MOB3B: variants seen among roughly 807,000 people sequenced by gnomAD.
MOB3B encodes the protein MOB kinase activator-like 2B.
Under a neutral mutation model 18.7 loss-of-function variants are expected in MOB3B, and 7 were observed. The ratio of observed to expected loss-of-function variants is 0.37; its 90% CI spans 0.21 to 0.70. MOB3B has a LOEUF of 0.70. Ranked by LOEUF, MOB3B falls within the 30% of genes least tolerant of loss-of-function variation. The pLI is 0.52. For synonymous variants in MOB3B, 111 were observed against 99.9 expected (o/e 1.11, Z -0.66); for missense variants, 253 against 281.3 (o/e 0.90, Z 0.72).
At chr9:27,522,240 C>CT (rs1820344679) in intron 1 of MOB3B, among the ~76,000 whole-genome samples, 1 of 13,374 alleles carries the variant, frequency 7.5e-5, no homozygotes, top group African/African-American at 3.1e-4. Context: ...GACCCCGTCT[C>CT]ACAAAAAAAA....
intron 2 of MOB3B, among the ~76,000 whole-genome samples, chr9:27,441,579 G>C (rs1822595355): frequency 6.6e-6 from 1 of 152,148 alleles, no homozygotes; most frequent in Admixed American, 6.5e-5. Context: ...TCTTGTCCCA[G>C]GTAGGACAGA....
intron 2 of MOB3B, among the ~76,000 whole-genome samples, chr9:27,369,137 G>A (rs1437165650): frequency 6.6e-6 from 1 of 152,202 alleles, no homozygotes; most frequent in Non-Finnish European, 1.5e-5. Context: ...ATTGGTTCTG[G>A]AAAGTCAGGC....
intron 1 of MOB3B, among the ~76,000 whole-genome samples, chr9:27,498,493 A>C (rs150720533): frequency 6.6e-6 from 1 of 152,324 alleles, no homozygotes; most frequent in East Asian, 1.9e-4. Context: ...GACAAACTTA[A>C]AAGAAAGTAG....
chr9:27,463,027 C>T (rs1819318071), intron 1 of MOB3B, among the ~76,000 whole-genome samples: 1 of 152,138 alleles, frequency 6.6e-6, no homozygotes, highest in African/African-American at 2.4e-5. Context: ...AGGGTTGCTG[C>T]AAGAATTCAA....
chr9:27,456,512 C>T (rs1363821320), intron 1 of MOB3B, among the ~76,000 whole-genome samples: 1 of 152,194 alleles, frequency 6.6e-6, no homozygotes, highest in Non-Finnish European at 1.5e-5. Context: ...GTTCCAATTC[C>T]TTTTGAAGCC....
At chr9:27,381,758 T>C (rs1821580635) in intron 2 of MOB3B, among the ~76,000 whole-genome samples, 1 of 152,172 alleles carries the variant, frequency 6.6e-6, no homozygotes, top group African/African-American at 2.4e-5. Context: ...GCAATCCTCC[T>C]GCCTCAGCCT....
chr9:27,337,578 C>T (rs903290593), intron 3 of MOB3B, among the ~76,000 whole-genome samples: 1 of 152,206 alleles, frequency 6.6e-6, no homozygotes, highest in Non-Finnish European at 1.5e-5. Context: ...CCACTTATAG[C>T]AAAAGCAAGT....
chr9:27,527,222 T>C (rs1820449673), intron 1 of MOB3B, among the ~76,000 whole-genome samples: 1 of 152,240 alleles, frequency 6.6e-6, no homozygotes, highest in Admixed American at 6.5e-5. Context: ...TTGTTAATGA[T>C]GCCTTTGGGT....
In MOB3B at chr9:27,332,789, G is replaced by A. The variant is rs12555075; in HGVS notation, c.622-2173C>T. Reference sequence around the variant, plus strand: ...GAGGAAAAACCCTCAGGGAAGGAGAGTACCTTACCAGGTCACATAGAAAGC... The same window carrying A: ...GAGGAAAAACCCTCAGGGAAGGAGAATACCTTACCAGGTCACATAGAAAGC... On this transcript the variant is annotated intron_variant, in intron 3 of 3. Transcript: ENST00000262244. Among the ~76,000 whole-genome samples the A allele has an allele frequency of 3.1e-3, 465 of 152,298 alleles. 1 individual carries two copies. The highest frequency in any genetic ancestry group is 4.9e-3 in the Non-Finnish European group (332 of 68,026).
At chr9:27,345,836 G>A (rs77204726) in intron 3 of MOB3B, among the ~76,000 whole-genome samples, 2,269 of 152,328 alleles carry the variant, frequency 0.015, 15 homozygotes, top group Middle Eastern at 0.031. Context: ...CTGAGACAGG[G>A]AGAGAACTGG....
chr9:27,405,850 A>G (rs1368154452), intron 2 of MOB3B, among the ~76,000 whole-genome samples: 2 of 152,366 alleles, frequency 1.3e-5, no homozygotes, highest in East Asian at 1.9e-4. Context: ...AACTGATGCC[A>G]GAAAAGCGTT....
intron 3 of MOB3B, among the ~76,000 whole-genome samples, chr9:27,346,253 C>T (rs1173460453): frequency 6.6e-6 from 1 of 152,166 alleles, no homozygotes; most frequent in African/African-American, 2.4e-5. Context: ...TCCCAGCCTC[C>T]AGAACTGTGA....
At chr9:27,366,687 C>T (rs1300591410) in intron 2 of MOB3B, among the ~76,000 whole-genome samples, 1 of 152,156 alleles carries the variant, frequency 6.6e-6, no homozygotes, top group Non-Finnish European at 1.5e-5. Context: ...AGGCCAACAC[C>T]TGGGAATGAG....
intron 2 of MOB3B, among the ~76,000 whole-genome samples, chr9:27,384,429 C>CAGTA (rs2131376909): frequency 6.6e-6 from 1 of 152,134 alleles, no homozygotes; most frequent in African/African-American, 2.4e-5. Flanking sequence ...TTTCAGAGCT[C>CAGTA]AGTAATTCAA....
chr9:27,454,790 T>C (rs1011347475), intron 2 of MOB3B, among the ~76,000 whole-genome samples: 7 of 152,230 alleles, frequency 4.6e-5, no homozygotes, highest in Non-Finnish European at 8.8e-5. Context: ...TCAGAGTCCA[T>C]GTAACTTTAG....
Position 27,455,342 on chromosome 9 carries a change from C to G in MOB3B, c.209G>C (p.Arg70Pro). Residue 70 changes from arginine to proline, a missense_variant, in exon 2 of 4, where the codon CGG becomes CCG. Coordinates refer to ENST00000262244, the MANE Select transcript of MOB3B (RefSeq NM_024761.5). The stretch of plus-strand genomic sequence containing the variant: ...GATGGTGCCATAGATGAGGTTGATC[C>G]GATTGAAGAAGTCCACCACATGTAC... ...VAVHVVDFFN[R>P]INLIYGTICE... 3 of 1,614,086 alleles carry G rather than the reference C, an allele frequency of 1.9e-6. No individual in the cohort carries two copies. Among genetic ancestry groups the G allele is most frequent in the Non-Finnish European group, 2.5e-6 (3 of 1,180,010 alleles).
In MOB3B at chr9:27,327,315, A is replaced by G. The variant is rs1472962976; in HGVS notation, c.*3272T>C. The G allele has an allele frequency of 6.6e-6, 1 of 152,236 alleles. No individual in the cohort carries two copies. Among genetic ancestry groups the G allele is most frequent in the Non-Finnish European group, 1.5e-5 (1 of 68,040 alleles). The allele number at this position is 152,236 out of a possible 1,614,324, so 9.4% of individuals were successfully genotyped here. On this transcript the variant is annotated 3_prime_UTR_variant, in exon 4 of 4. Transcript: ENST00000262244. ...AATTATGGAACTTGATAATGATTGG[A>G]TCAGGCAGACAACACCTGATCAGTC...
intron 3 of MOB3B, among the ~76,000 whole-genome samples, chr9:27,342,194 A>G (rs1246327440): frequency 3.3e-5 from 5 of 152,282 alleles, no homozygotes; most frequent in African/African-American, 1.2e-4. Flanking sequence ...GCGTCGCACC[A>G]TGCCAATACC....
intron 2 of MOB3B, among the ~76,000 whole-genome samples, chr9:27,421,949 C>G (rs1358963678): frequency 6.6e-6 from 1 of 152,168 alleles, no homozygotes. Context: ...TGGCCTGCCT[C>G]TCCTCCCCAC....
Sources: allele counts gnomAD v4.1 joint callset (sites outside exome capture counted in the v4.1 genomes callset), GRCh38; gene constraint gnomAD v4.1.1; transcripts MANE v1.5; gene names NCBI Gene and HGNC (gene_info 2026-07-23, HGNC 2026-07-21).